The following CNTN4 variants were observed in gnomAD, a reference collection of about 807,000 sequenced individuals.
The protein encoded by CNTN4 is contactin 4.
A neutral mutation model predicts 122.5 loss-of-function variants in CNTN4; 77 were observed. That is an observed-to-expected ratio of 0.63 (90% CI 0.52 to 0.76). CNTN4 has a LOEUF of 0.76. CNTN4 is among the 30% of genes least tolerant of loss of function. CNTN4 has a pLI of 0.00. For synonymous variants in CNTN4, 512 were observed against 447.0 expected (o/e 1.15, Z -1.83); for missense variants, 1,256 against 1,259.1 (o/e 1.00, Z 0.04).
chr3:2,355,408 C>T (rs1447125076), intron 3 of CNTN4, among the ~76,000 whole-genome samples: 3 of 152,156 alleles, frequency 2.0e-5, no homozygotes, highest in Non-Finnish European at 2.9e-5. Flanking sequence ...TTGTCAGAAA[C>T]AGAAACCCTC....
intron 4 of CNTN4, among the ~76,000 whole-genome samples, chr3:2,694,337 A>C (rs138920186): frequency 2.9e-4 from 44 of 152,372 alleles, no homozygotes; most frequent in African/African-American, 1.1e-3. Flanking sequence ...GTTGAATAAC[A>C]GTGAGTTCTA....
chr3:2,123,674 G>T (rs190514806), intron 2 of CNTN4, among the ~76,000 whole-genome samples: 1 of 152,144 alleles, frequency 6.6e-6, no homozygotes, highest in Non-Finnish European at 1.5e-5. Context: ...GTAATTAGTC[G>T]CTGACATATG....
intron 2 of CNTN4, among the ~76,000 whole-genome samples, chr3:2,105,453 C>T (rs2032361571): frequency 1.3e-5 from 2 of 152,122 alleles, no homozygotes; most frequent in Non-Finnish European, 2.9e-5. Flanking sequence ...TTCCGCATGG[C>T]CTCAGGAAAT....
chr3:2,819,615 ACT>A (rs1431647832), intron 7 of CNTN4, 34 bp downstream of exon 7: 9 of 1,406,468 alleles, frequency 6.4e-6, no homozygotes, highest in East Asian at 2.3e-5. Flanking sequence ...TGCATGCTTC[ACT>A]CTCTGTTATT....
intron 4 of CNTN4, among the ~76,000 whole-genome samples, chr3:2,724,435 C>T (rs2088072052): frequency 6.6e-6 from 1 of 152,198 alleles, no homozygotes. Context: ...AATAGTTTCA[C>T]ACCAGAAAGA....
chr3:2,362,606 TA>T, intron 3 of CNTN4: 1 of 497,074 alleles, frequency 2.0e-6, no homozygotes, highest in South Asian at 1.6e-5. Flanking sequence ...TCCTTGTGTG[TA>T]AGAAGATAGC....
intron 6 of CNTN4, among the ~76,000 whole-genome samples, chr3:2,755,022 G>A (rs2149638353): frequency 6.6e-6 from 1 of 152,292 alleles, no homozygotes; most frequent in African/African-American, 2.4e-5. Context: ...TGGTGGTGGT[G>A]ATAGAAAACT....
chr3:2,361,882 G>A (rs1291313422), intron 3 of CNTN4, among the ~76,000 whole-genome samples: 2 of 152,180 alleles, frequency 1.3e-5, no homozygotes, highest in Non-Finnish European at 2.9e-5. Flanking sequence ...ATCTGAGACA[G>A]ATGTGAAACA....
At chr3:2,354,981 T>A (rs2044806788) in intron 3 of CNTN4, among the ~76,000 whole-genome samples, 1 of 152,174 alleles carries the variant, frequency 6.6e-6, no homozygotes, top group African/African-American at 2.4e-5. Flanking sequence ...GTTGGGAGAA[T>A]AAGTGAGTCA....
intron 3 of CNTN4, among the ~76,000 whole-genome samples, chr3:2,479,219 T>C (rs2075916666): frequency 6.6e-6 from 1 of 152,228 alleles, no homozygotes; most frequent in Non-Finnish European, 1.5e-5. Flanking sequence ...TTATCTGTTG[T>C]TACCATTTCT....
At chr3:2,617,914 T>C (rs969123669) in intron 4 of CNTN4, among the ~76,000 whole-genome samples, 4 of 152,182 alleles carry the variant, frequency 2.6e-5, no homozygotes, top group African/African-American at 9.7e-5. Flanking sequence ...ATAAAAAATA[T>C]TTGTCATATT....
intron 3 of CNTN4, among the ~76,000 whole-genome samples, chr3:2,363,961 A>C (rs1322522549): frequency 5.3e-5 from 8 of 152,184 alleles, no homozygotes; most frequent in Non-Finnish European, 1.2e-4. Context: ...CAGTTATATG[A>C]TCTCTTCTTA....
intron 7 of CNTN4, among the ~76,000 whole-genome samples, chr3:2,820,282 A>C (rs2092833307): frequency 6.6e-6 from 1 of 152,204 alleles, no homozygotes; most frequent in Admixed American, 6.5e-5. Context: ...CAGGGAAAAC[A>C]GTTTACTTAC....
At chr3:2,646,769 A>G (rs773425140) in intron 4 of CNTN4, among the ~76,000 whole-genome samples, 3 of 152,174 alleles carry the variant, frequency 2.0e-5, no homozygotes, top group Non-Finnish European at 4.4e-5. Context: ...TGGTTTTCAG[A>G]TGATCACCTT....
At chr3:2,725,357 T>C (rs1253440727) in intron 4 of CNTN4, among the ~76,000 whole-genome samples, 3 of 152,124 alleles carry the variant, frequency 2.0e-5, no homozygotes, top group Non-Finnish European at 4.4e-5. Flanking sequence ...ATCAGAAAGT[T>C]TGGGAAAGGC....
chr3:2,392,160 C>A (rs1024652089), intron 3 of CNTN4, among the ~76,000 whole-genome samples: 1 of 152,198 alleles, frequency 6.6e-6, no homozygotes, highest in African/African-American at 2.4e-5. Flanking sequence ...CTTCCCAAAT[C>A]CACTTGGCTA....
chr3:2,582,851 C>T (rs2080005763), intron 4 of CNTN4, among the ~76,000 whole-genome samples: 1 of 151,896 alleles, frequency 6.6e-6, no homozygotes, highest in Non-Finnish European at 1.5e-5. Context: ...ATTAAACTTC[C>T]CCCTACCTGA....
At chr3:2,498,859 G>A (rs1055094807) in intron 3 of CNTN4, among the ~76,000 whole-genome samples, 3 of 151,004 alleles carry the variant, frequency 2.0e-5, no homozygotes, top group South Asian at 4.2e-4. Flanking sequence ...GTGTGATCTC[G>A]GCTCACTGCA....
intron 6 of CNTN4, among the ~76,000 whole-genome samples, chr3:2,817,859 T>A (rs1221253507): frequency 2.0e-5 from 3 of 152,248 alleles, no homozygotes; most frequent in Non-Finnish European, 4.4e-5. Context: ...ACACAGTTTT[T>A]AAAATCCTGG....
Sources: allele counts gnomAD v4.1 joint callset (sites outside exome capture counted in the v4.1 genomes callset), GRCh38; gene constraint gnomAD v4.1.1; transcripts MANE v1.5; gene names NCBI Gene and HGNC (gene_info 2026-07-23, HGNC 2026-07-21).